Variants in IPO9 observed in about 807,000 individuals in gnomAD.
The protein encoded by IPO9 is importin-9.
In IPO9, 28 loss-of-function variants were observed where a neutral mutation model predicts 128.6. That is an observed-to-expected ratio of 0.22 (90% confidence interval 0.16 to 0.30). IPO9 has a LOEUF of 0.30. Among genes scored for constraint, IPO9 ranks in the 10% least tolerant of loss-of-function variants. The probability of loss-of-function intolerance (pLI) is 1.00; values close to 1 mark genes in which losing one functional copy is unlikely to be tolerated. For synonymous variants in IPO9, 455 were observed against 475.8 expected, an observed-to-expected ratio of 0.96 and a Z score of 0.57; for missense variants, 935 against 1,293.9, an observed-to-expected ratio of 0.72 and a Z score of 4.26.
chr1:201,829,360 G>C lies in IPO9; in HGVS notation c.151G>C (p.Glu51Gln), dbSNP rs766476793. 4 of 1,574,976 alleles carry C rather than the reference G, an allele frequency of 2.5e-6. No individual in the cohort carries two copies. Among genetic ancestry groups the C allele is most frequent in the Non-Finnish European group, 3.4e-6 (4 of 1,162,238 alleles). Reference sequence around the variant, plus strand: ...TGCTGAAGAACAGATTAAGGTGCTGGAGGTGACGGAGGGTGAGTGAGGCGG... The same window carrying C: ...TGCTGAAGAACAGATTAAGGTGCTGCAGGTGACGGAGGGTGAGTGAGGCGG... ...AAAEEQIKVLEVTEEFGVHLA... is the reference protein window; with the variant it reads ...AAAEEQIKVLQVTEEFGVHLA... The change falls in exon 1 of 24, where the codon GAG becomes CAG. Residue 51 changes from glutamate to glutamine, a missense_variant. Glu to Gln is a conservative substitution (Grantham distance 29). Around this residue, in one of 3 missense-constraint regions of IPO9, gnomAD observed 741 missense variants for 1,019.1 expected, o/e 0.73. Transcript: ENST00000361565.
At chr1:201,863,681 G>C (rs998535112) in intron 14 of IPO9, 74 bp downstream of exon 14, 1 of 1,341,996 alleles carries the variant, frequency 7.5e-7, no homozygotes, top group African/African-American at 1.4e-5. Context: ...CAGTTTTCCA[G>C]TGTATTATGT....
chr1:201,849,542 T>C (rs902898217), intron 4 of IPO9, among the ~76,000 whole-genome samples: 1 of 152,262 alleles, frequency 6.6e-6, no homozygotes, highest in Non-Finnish European at 1.5e-5. Flanking sequence ...TTACCTGATA[T>C]GTATTCTTGC....
In IPO9 at chr1:201,875,170, A is replaced by T; in HGVS notation, c.2957A>T (p.Asp986Val). ...TSKYEEDYYEDDEEDDPDALK... is the reference protein window; with the variant it reads ...TSKYEEDYYEVDEEDDPDALK... ...CTAACAGAGGAGGATTACTACGAGG[A>T]TGATGAGGAAGATGACCCTGATGCC... The change falls in exon 23 of 24, where the codon GAT becomes GTT. Residue 986 changes from aspartate (D) to valine (V), a missense_variant. By Grantham distance (152) the Asp-to-Val change is radical (BLOSUM62 -3). Coordinates refer to ENST00000361565, the MANE Select transcript of IPO9 (RefSeq NM_018085.5). The T allele has an allele frequency of 6.2e-7, 1 of 1,614,182 alleles. No homozygotes were observed. The highest frequency in any genetic ancestry group is 8.5e-7 in the Non-Finnish European group (1 of 1,180,006).
In IPO9 at chr1:201,882,525, T is replaced by TA. The variant is rs1434821113; in HGVS notation, c.*6472dup. On this transcript the variant is annotated 3_prime_UTR_variant, in exon 24 of 24. Coordinates refer to ENST00000361565, the MANE Select transcript of IPO9 (RefSeq NM_018085.5). ...TCAACATTTGCCATCTAATGACACT[T>TA]ACATTCCAGTTTTTTCCTTTTTTGA... 1 of 151,946 alleles carries TA rather than the reference T, an allele frequency of 6.6e-6. No individual in the cohort carries two copies. The highest frequency in any genetic ancestry group is 2.4e-5 in the African/African-American group (1 of 41,352). The allele number at this position is 151,946 out of a possible 1,614,324, so 9.4% of individuals were successfully genotyped here. A position where few individuals can be genotyped will look rare whatever the true frequency, so the allele number is the denominator to read the frequency against.
In IPO9 at chr1:201,881,947, C is replaced by T. The variant is rs1181327067; in HGVS notation, c.*5893C>T. On this transcript the variant is annotated 3_prime_UTR_variant, in exon 24 of 24. Transcript: ENST00000361565. ...AGTAAGGATTTTCCAAAAGTGAGAG[C>T]TGTGGAATGAATTGTCTTAAAATGT... The T allele has an allele frequency of 6.6e-6, 1 of 152,176 alleles. No individual in the cohort carries two copies. Among genetic ancestry groups the T allele is most frequent in the East Asian group, 1.9e-4 (1 of 5,206 alleles). The allele number at this position is 152,176 out of a possible 1,614,324, so 9.4% of individuals were successfully genotyped here.
In IPO9 at chr1:201,829,254, T is replaced by C; in HGVS notation, c.45T>C (p.Gly15=). 1 of 1,585,494 alleles carries C rather than the reference T, an allele frequency of 6.3e-7. No individual in the cohort carries two copies. Among genetic ancestry groups the C allele is most frequent in the Non-Finnish European group, 8.6e-7 (1 of 1,168,850 alleles). Residue 15 remains glycine, a synonymous_variant, in exon 1 of 24, where the codon GGT becomes GGC. Transcript: ENST00000361565. The part of the protein sequence containing the change: ...AAAGAASGLP[G]PVAQGLKEAL... ...CTGGTGCGGCCTCCGGGCTGCCGGG[T>C]CCAGTGGCACAAGGATTAAAGGAAG... is the stretch of plus-strand genomic sequence containing the variant.
chr1:201,883,742 A>G lies in IPO9; in HGVS notation c.*7688A>G, dbSNP rs1293416095. Reference sequence around the variant, plus strand: ...GCAGGATAGAGACTCATTCTCATCTATTTTGGTTAAAAGAAAATAAATGTA... The same window carrying G: ...GCAGGATAGAGACTCATTCTCATCTGTTTTGGTTAAAAGAAAATAAATGTA... On this transcript the variant is annotated 3_prime_UTR_variant, in exon 24 of 24. Transcript: ENST00000361565. The G allele has an allele frequency of 2.0e-5, 3 of 152,224 alleles. No individual in the cohort carries two copies. The highest frequency in any genetic ancestry group is 7.2e-5 in the African/African-American group (3 of 41,462). 9.4% of individuals were successfully genotyped at this position (152,224 alleles called of 1,614,324 possible).
At position 201,879,298 on chromosome 1, in the gene IPO9, C is replaced by G. The variant is rs1680839859; in HGVS notation, c.*3244C>G. ...TTAGAATCTTCTTTAATTTTGTTAA[C>G]TAGGTAAATAATCTGGACATTTTAG... On this transcript the variant is annotated 3_prime_UTR_variant, in exon 24 of 24. Coordinates refer to ENST00000361565, the MANE Select transcript of IPO9 (RefSeq NM_018085.5). 6.6e-6 allele frequency: 1 copy of G among 152,182 alleles called. No individual in the cohort carries two copies. 9.4% of individuals were successfully genotyped at this position (152,182 alleles called of 1,614,324 possible).
At chr1:201,857,217 G>A (rs764715518) in intron 11 of IPO9, 23 bp downstream of exon 11, 26 of 1,409,790 alleles carry the variant, frequency 1.8e-5, no homozygotes, top group Non-Finnish European at 2.5e-5. Context: ...TGATACTTCA[G>A]CCACATAATT....
At chr1:201,866,292 T>C (rs887266750) in intron 14 of IPO9, among the ~76,000 whole-genome samples, 37 of 152,272 alleles carry the variant, frequency 2.4e-4, no homozygotes, top group African/African-American at 8.7e-4. Context: ...TGCCTGGTCC[T>C]AGACAATGTA....
chr1:201,846,992 T>C (rs1680135064), intron 1 of IPO9, among the ~76,000 whole-genome samples: 1 of 152,208 alleles, frequency 6.6e-6, no homozygotes, highest in South Asian at 2.1e-4. Context: ...ACCACATTAA[T>C]TGGTCTAAGA....
At chr1:201,841,664 A>G (rs1192086540) in intron 1 of IPO9, among the ~76,000 whole-genome samples, 1 of 152,212 alleles carries the variant, frequency 6.6e-6, no homozygotes, top group Non-Finnish European at 1.5e-5. Flanking sequence ...GGACAGAGAA[A>G]ATACAAGATA....
intron 1 of IPO9, among the ~76,000 whole-genome samples, chr1:201,837,968 G>A (rs2102869093): frequency 6.6e-6 from 1 of 152,348 alleles, no homozygotes; most frequent in South Asian, 2.1e-4. Flanking sequence ...CACTCGGGAG[G>A]CTGAGGCAGG....
chr1:201,865,787 G>C (rs946080075), intron 14 of IPO9, among the ~76,000 whole-genome samples: 1 of 151,886 alleles, frequency 6.6e-6, no homozygotes, highest in Non-Finnish European at 1.5e-5. Flanking sequence ...ATATGATACA[G>C]TTGTTAAAAA....
intron 1 of IPO9, among the ~76,000 whole-genome samples, chr1:201,837,313 AT>A (rs1679958547): frequency 6.6e-6 from 1 of 152,186 alleles, no homozygotes; most frequent in Non-Finnish European, 1.5e-5. Flanking sequence ...GAAAAAATAT[AT>A]TCATGCTAAG....
chr1:201,857,978 CT>C (rs2102880539), intron 11 of IPO9, among the ~76,000 whole-genome samples: 1 of 152,334 alleles, frequency 6.6e-6, no homozygotes, highest in South Asian at 2.1e-4. Context: ...GGCTGAAATA[CT>C]AAGAAGAAAC....
rs1680818359 is a variant in IPO9, at chr1:201,878,425, G to A, written c.*2371G>A. On this transcript the variant is annotated 3_prime_UTR_variant, in exon 24 of 24. Transcript: ENST00000361565. ...CACACACAGACTGAGAATGATGGGG[G>A]TCCCTCTGCGTCTGCTAATTAGACA... 6.6e-6 allele frequency: 1 copy of A among 152,624 alleles called. No individual in the cohort carries two copies. The allele number at this position is 152,624 out of a possible 1,614,324, so 9.5% of individuals were successfully genotyped here. A position where few individuals can be genotyped will look rare whatever the true frequency, so the allele number is the denominator to read the frequency against.
In IPO9 at chr1:201,870,722, T is replaced by C. The variant is rs781666102; in HGVS notation, c.2273T>C (p.Phe758Ser). 1 of 1,614,102 alleles carries C rather than the reference T, an allele frequency of 6.2e-7. No homozygotes were observed. The highest frequency in any genetic ancestry group is 8.5e-7 in the Non-Finnish European group (1 of 1,180,034). Residue 758 changes from phenylalanine (F) to serine (S), a missense_variant, in exon 18 of 24, where the codon TTC (phenylalanine) becomes TCC (serine). Phe to Ser is a radical substitution (Grantham distance 155). Transcript: ENST00000361565. This position sits in a 1 kb window ranked among gnomAD's most constrained non-coding sequence, Gnocchi z 4.9. The part of the protein sequence containing the change: ...SQLLDPRTSE[F>S]TAAFVGRLVS... ...CTCCTGGACCCCCGCACCTCAGAGT[T>C]CACTGCGGCCTTTGTGGGCCGCCTT...
chr1:201,845,027 G>A (rs556211602), intron 1 of IPO9, among the ~76,000 whole-genome samples: 9 of 149,022 alleles, frequency 6.0e-5, no homozygotes, highest in South Asian at 2.1e-4. Flanking sequence ...TTTTTGGGAG[G>A]GGGGGGCGTA....
Sources: allele counts gnomAD v4.1 joint callset (sites outside exome capture counted in the v4.1 genomes callset), GRCh38; gene constraint gnomAD v4.1.1; regional missense constraint gnomAD v4.1.1; non-coding constraint Gnocchi (gnomAD v3.1); transcripts MANE v1.5; gene names NCBI Gene and HGNC (gene_info 2026-07-23, HGNC 2026-07-21).